The following PRKDC variants were observed in gnomAD, a reference collection of about 807,000 sequenced individuals.
PRKDC encodes the protein protein kinase, DNA-activated, catalytic subunit.
Under a neutral mutation model 486.9 loss-of-function variants are expected in PRKDC, and 82 were observed. The observed-to-expected ratio is 0.17, with a 90% confidence interval of 0.14 to 0.20. PRKDC has a LOEUF of 0.20. Ranked by LOEUF, PRKDC falls within the 10% of genes least tolerant of loss-of-function variation. The probability of loss-of-function intolerance (pLI) is 1.00; values close to 1 mark genes in which losing one functional copy is unlikely to be tolerated. For synonymous variants in PRKDC, 1,895 were observed against 1,837.0 expected (o/e 1.03, Z -0.81); for missense variants, 4,504 against 5,038.2 (o/e 0.89, Z 3.21).
At position 47,807,271 on chromosome 8, in the gene PRKDC, T is replaced by G; in HGVS notation, c.9613A>C (p.Ser3205Arg). 6.2e-7 allele frequency: 1 copy of G among 1,610,622 alleles called. No individual in the cohort carries two copies. Among genetic ancestry groups the G allele is most frequent in the Non-Finnish European group, 8.5e-7 (1 of 1,178,186 alleles). Residue 3205 changes from serine (S) to arginine (R), a missense_variant, in exon 69 of 86, where the codon AGT (serine) becomes CGT (arginine). Coordinates refer to ENST00000314191, the MANE Select transcript of PRKDC (RefSeq NM_006904.7). ...TCTCCATCTTGATCCACATTCATAC[T>G]ATTATCTTCTGGAAGAGGGGTAAGC... ...EKLTPLPEDN[S>R]MNVDQDGDPS...
chr8:47,824,130 G>C (rs2087671952), intron 63 of PRKDC, 134 bp from the exon 64 acceptor site: 6 of 971,924 alleles, frequency 6.2e-6, no homozygotes, highest in Non-Finnish European at 8.2e-6. Flanking sequence ...CTTTAATTTT[G>C]CTAAAAATAT....
intron 54 of PRKDC, among the ~76,000 whole-genome samples, chr8:47,846,794 G>A (rs1452422613): frequency 6.6e-5 from 10 of 151,496 alleles, no homozygotes; most frequent in Non-Finnish European, 1.3e-4. Context: ...ACTGATAAAT[G>A]ACTTGAGTAA....
chr8:47,819,598 C>T (rs917250366), intron 66 of PRKDC, 88 bp from the exon 67 acceptor site: 2 of 593,520 alleles, frequency 3.4e-6, no homozygotes, highest in Non-Finnish European at 5.5e-6. Flanking sequence ...TAACAGTACT[C>T]TAAATTATGA....
chr8:47,907,365 T>C (rs1214221253), intron 25 of PRKDC, among the ~76,000 whole-genome samples: 1 of 146,806 alleles, frequency 6.8e-6, no homozygotes, highest in African/African-American at 2.5e-5. Context: ...TTATTCTTAG[T>C]ACATAAGTTT....
chr8:47,950,449 C>T (rs1234024180), intron 7 of PRKDC, among the ~76,000 whole-genome samples: 1 of 151,338 alleles, frequency 6.6e-6, no homozygotes, highest in Non-Finnish European at 1.5e-5. Flanking sequence ...CACGGTGAAA[C>T]CCCGTCTCTG....
rs1363364022 is a variant in PRKDC, at chr8:47,789,055, AG to A, written c.10759-7del. On this transcript the variant is annotated splice_region_variant and splice_polypyrimidine_tract_variant and intron_variant, in intron 75 of 85. Coordinates refer to ENST00000314191, the MANE Select transcript of PRKDC (RefSeq NM_006904.7). The stretch of plus-strand genomic sequence containing the variant: ...CTTACATCATTGCTCCAATCCTGTC[AG>A]GGGAAAAAAAAAGTAAGAAAAAAAT... 1 of 1,611,648 alleles carries A rather than the reference AG, an allele frequency of 6.2e-7. No individual in the cohort carries two copies.
intron 38 of PRKDC, among the ~76,000 whole-genome samples, chr8:47,880,292 G>C (rs575863927): frequency 7.2e-5 from 11 of 152,298 alleles, no homozygotes; most frequent in African/African-American, 2.6e-4. Flanking sequence ...TACAAGCTTT[G>C]TGTAGAAAGA....
At position 47,782,114 on chromosome 8, in the gene PRKDC, G is replaced by C. The variant is rs1197886908; in HGVS notation, c.11489+48C>G. On this transcript the variant is annotated intron_variant, in intron 80 of 85. Coordinates refer to ENST00000314191, the MANE Select transcript of PRKDC (RefSeq NM_006904.7). The surrounding 1 kb of genome is among the most constrained non-coding windows in gnomAD (Gnocchi z 4.9). ...ACGGCCCCGACCTGCCACTGGAGAA[G>C]TGAGGGGAGGCGACTGCTGGGGGAG... The C allele has an allele frequency of 9.7e-6, 15 of 1,541,322 alleles. No individual in the cohort carries two copies. Among genetic ancestry groups the C allele is most frequent in the Non-Finnish European group, 1.3e-5 (15 of 1,115,178 alleles).
At position 47,947,276 on chromosome 8, in the gene PRKDC, C is replaced by T. The variant is rs553543474; in HGVS notation, c.722-3247G>A. 9.9e-5 allele frequency among the ~76,000 whole-genome samples: 15 copies of T among 152,280 alleles called. No homozygotes were observed. The East Asian group carries it at 2.9e-3, about 29-fold the overall frequency. On this transcript the variant is annotated intron_variant, in intron 7 of 85. Coordinates refer to ENST00000314191, the MANE Select transcript of PRKDC (RefSeq NM_006904.7). ...CTGCGTTACATCCTCAGAAAGTACC[C>T]GTGGGTCGTGTGCTCCACCTCTCCA... is the stretch of plus-strand genomic sequence containing the variant.
chr8:47,783,757 G>A lies in PRKDC; in HGVS notation c.11160C>T (p.Ala3720=), dbSNP rs758969884. Residue 3720 remains alanine, a synonymous_variant, in exon 78 of 86, where the codon GCC becomes GCT. Transcript: ENST00000314191. ...KPLPEYHVRI[A]GFDERVTVMA... ...TCACACCTACCCGCTCATCAAACCC[G>A]GCGATTCGCACGTGGTACTCTGGCA... 59 of 1,613,844 alleles carry A rather than the reference G, an allele frequency of 3.7e-5. No homozygotes were observed. Among genetic ancestry groups the A allele is most frequent in the Middle Eastern group, 1.6e-4 (1 of 6,062 alleles).
intron 7 of PRKDC, among the ~76,000 whole-genome samples, chr8:47,951,314 T>C (rs866137962): frequency 9.2e-5 from 14 of 151,680 alleles, no homozygotes; most frequent in Admixed American, 9.2e-4. Flanking sequence ...AGAGCCATGC[T>C]AGCATCACTG....
At chr8:47,781,955 C>T (rs971300546) in intron 80 of PRKDC, among the ~76,000 whole-genome samples, 1 of 152,230 alleles carries the variant, frequency 6.6e-6, no homozygotes, top group African/African-American at 2.4e-5. Flanking sequence ...CTTCCCCCCA[C>T]CCAAAGTTAA....
intron 39 of PRKDC, 22 bp from the exon 40 acceptor site, chr8:47,877,873 C>A: frequency 7.1e-7 from 1 of 1,416,264 alleles, no homozygotes; most frequent in Non-Finnish European, 9.3e-7. Context: ...ACATCAACAT[C>A]ATTAAAATTT....
At position 47,864,727 on chromosome 8, in the gene PRKDC, G is replaced by A. The variant is rs776197997; in HGVS notation, c.5400C>T (p.Ser1800=). 8 of 1,603,444 alleles carry A rather than the reference G, an allele frequency of 5.0e-6. No homozygotes were observed. Among genetic ancestry groups the A allele is most frequent in the South Asian group, 3.4e-5 (3 of 89,050 alleles). Residue 1800 remains serine (S), a synonymous_variant, in exon 41 of 86, where the codon AGC becomes AGT. Transcript: ENST00000314191. ...SCVTQVGLLE[S]VYEMFRKDDP... Reference sequence around the variant, plus strand: ...CATCCTTCCTGAACATTTCATACACGCTTTCCAGAAGGCCTACTTGTGTGA... The same window carrying A: ...CATCCTTCCTGAACATTTCATACACACTTTCCAGAAGGCCTACTTGTGTGA...
At chr8:47,807,716 C>G (rs778062944) in intron 68 of PRKDC, among the ~76,000 whole-genome samples, 1 of 149,166 alleles carries the variant, frequency 6.7e-6, no homozygotes, top group Non-Finnish European at 1.5e-5. Context: ...CCGCACCCGG[C>G]CTACTTATTT....
intron 68 of PRKDC, among the ~76,000 whole-genome samples, chr8:47,816,755 G>T (rs1452437418): frequency 6.6e-6 from 1 of 151,268 alleles, no homozygotes; most frequent in Admixed American, 6.6e-5. Context: ...CTGGGTTAAA[G>T]AACCCAGGAG....
chr8:47,854,301 G>A (rs1475949393), intron 50 of PRKDC, 87 bp from the exon 51 acceptor site: 1 of 1,479,464 alleles, frequency 6.8e-7, no homozygotes, highest in African/African-American at 1.4e-5. Context: ...TTATTTTTTT[G>A]AGACAGAGTC....
At chr8:47,922,562 A>G (rs926501053) in intron 21 of PRKDC, among the ~76,000 whole-genome samples, 1 of 150,670 alleles carries the variant, frequency 6.6e-6, no homozygotes, top group African/African-American at 2.4e-5. Flanking sequence ...TCCCTCGGTC[A>G]ATCAAAATGG....
chr8:47,894,158 G>A (rs1563790250), intron 30 of PRKDC, among the ~76,000 whole-genome samples: 1 of 152,198 alleles, frequency 6.6e-6, no homozygotes, highest in East Asian at 1.9e-4. Context: ...GTGCGCGCCT[G>A]TGGTCTCAGC....
Sources: gnomAD v4.1 joint callset for allele counts (sites outside exome capture counted in the v4.1 genomes callset) on GRCh38, gnomAD v4.1.1 for gene constraint, Gnocchi (gnomAD v3.1) non-coding constraint, MANE v1.5 for transcripts, NCBI Gene and HGNC (gene_info 2026-07-23, HGNC 2026-07-21) for gene names.